The following NXPH1 variants were observed in gnomAD, a reference collection of about 807,000 sequenced individuals.
NXPH1 encodes the protein neurexophilin 1.
In NXPH1, 5 loss-of-function variants were observed where a neutral mutation model predicts 23.7. The ratio of observed to expected loss-of-function variants is 0.21; its 90% CI spans 0.11 to 0.44. The LOEUF is 0.44. Among genes scored for constraint, NXPH1 ranks in the 20% least tolerant of loss-of-function variants. The pLI, the probability that NXPH1 is intolerant of heterozygous loss-of-function variation, is 0.99. For missense variants in NXPH1, 324 were observed against 321.6 expected, an observed-to-expected ratio of 1.01 and a Z score of -0.06; for synonymous variants, 144 against 122.2, an observed-to-expected ratio of 1.18 and a Z score of -1.18.
At chr7:8,655,400 T>TTCTCTCTCTC (rs869162322) in intron 2 of NXPH1, among the ~76,000 whole-genome samples, 48 of 42,826 alleles carry the variant, frequency 1.1e-3, no homozygotes, top group Admixed American at 2.2e-3. Context: ...GTCTTTGTCT[T>TTCTCTCTCTC]TCTCTCTCTC....
intron 2 of NXPH1, among the ~76,000 whole-genome samples, chr7:8,438,826 G>A (rs891458736): frequency 6.6e-6 from 1 of 152,132 alleles, no homozygotes; most frequent in African/African-American, 2.4e-5. Context: ...TTAGGTTGAG[G>A]ATTTTTGTGT....
At chr7:8,716,626 C>A (rs1305635350) in intron 2 of NXPH1, among the ~76,000 whole-genome samples, 1 of 152,048 alleles carries the variant, frequency 6.6e-6, no homozygotes, top group Non-Finnish European at 1.5e-5. Flanking sequence ...CTTTTCATTG[C>A]CTTTCAACCA....
chr7:8,669,589 G>A (rs1419234900), intron 2 of NXPH1, among the ~76,000 whole-genome samples: 1 of 152,136 alleles, frequency 6.6e-6, no homozygotes, highest in African/African-American at 2.4e-5. Context: ...ACCTGGTGTT[G>A]GAGTACAAGG....
intron 2 of NXPH1, among the ~76,000 whole-genome samples, chr7:8,732,063 G>A (rs1431787517): frequency 1.3e-5 from 2 of 152,342 alleles, no homozygotes; most frequent in South Asian, 2.1e-4. Context: ...TTTTAAGCCC[G>A]TCGGAAAAGC....
At chr7:8,671,410 T>G (rs576292947) in intron 2 of NXPH1, among the ~76,000 whole-genome samples, 4 of 152,318 alleles carry the variant, frequency 2.6e-5, no homozygotes, top group Non-Finnish European at 5.9e-5. Context: ...ACTTTCTGTC[T>G]CATGTATTTG....
intron 2 of NXPH1, among the ~76,000 whole-genome samples, chr7:8,612,229 T>C (rs1050734697): frequency 1.3e-5 from 2 of 151,832 alleles, no homozygotes; most frequent in African/African-American, 4.8e-5. Context: ...TTTCTTTTTT[T>C]TACATTCTCC....
chr7:8,506,452 G>T (rs905978944), intron 2 of NXPH1, among the ~76,000 whole-genome samples: 8 of 152,070 alleles, frequency 5.3e-5, no homozygotes, highest in Non-Finnish European at 7.4e-5. Context: ...TGTTTGGAGT[G>T]CAATTTGTAA....
intron 2 of NXPH1, among the ~76,000 whole-genome samples, chr7:8,639,459 A>C (rs1478090616): frequency 6.6e-6 from 1 of 150,898 alleles, no homozygotes; most frequent in Non-Finnish European, 1.5e-5. Context: ...CCATCGGTGT[A>C]AAAGAAAAAA....
intron 2 of NXPH1, among the ~76,000 whole-genome samples, chr7:8,556,727 T>C (rs1224263845): frequency 1.3e-5 from 2 of 151,766 alleles, no homozygotes; most frequent in African/African-American, 4.8e-5. Context: ...CTATATATTG[T>C]GTTACTGATA....
Position 8,442,815 on chromosome 7 carries a change from A to G in NXPH1, c.54+7048A>G. Among the ~76,000 whole-genome samples the G allele has an allele frequency of 6.6e-6, 1 of 152,210 alleles. No individual in the cohort carries two copies. Among genetic ancestry groups the G allele is most frequent in the East Asian group, 1.9e-4 (1 of 5,202 alleles). ...TCCGGAGCCCAAGTCCCCATGCAAA[A>G]GCGCTGTTTCTGGGTAATTTTCGTC... On this transcript the variant is annotated intron_variant, in intron 2 of 2. Transcript: ENST00000405863. This position sits in a 1 kb window ranked among gnomAD's most constrained non-coding sequence, Gnocchi z 4.6.
intron 2 of NXPH1, among the ~76,000 whole-genome samples, chr7:8,596,007 T>C (rs996015419): frequency 7.2e-5 from 11 of 152,048 alleles, no homozygotes; most frequent in Admixed American, 4.6e-4. Context: ...CTTTAAAAAA[T>C]TTAGCATGCA....
intron 2 of NXPH1, among the ~76,000 whole-genome samples, chr7:8,634,392 A>G (rs1464096395): frequency 6.6e-6 from 1 of 152,082 alleles, no homozygotes; most frequent in Non-Finnish European, 1.5e-5. Flanking sequence ...CTGGGAGTCC[A>G]TTTTTACTTA....
chr7:8,746,908 G>T (rs1233572767), intron 2 of NXPH1, among the ~76,000 whole-genome samples: 1 of 150,902 alleles, frequency 6.6e-6, no homozygotes, highest in Non-Finnish European at 1.5e-5. Flanking sequence ...TTATATTGAA[G>T]GGAGATTTTC....
At chr7:8,531,213 T>C (rs1341358281) in intron 2 of NXPH1, among the ~76,000 whole-genome samples, 2 of 152,134 alleles carry the variant, frequency 1.3e-5, no homozygotes, top group South Asian at 4.1e-4. Flanking sequence ...CCTCCATAAC[T>C]ATGAGCTATT....
At chr7:8,604,960 T>C (rs1819450302) in intron 2 of NXPH1, among the ~76,000 whole-genome samples, 2 of 152,156 alleles carry the variant, frequency 1.3e-5, no homozygotes. Context: ...TGCCATTTTT[T>C]CTCCACCATT....
chr7:8,678,652 C>A (rs1327973220), intron 2 of NXPH1, among the ~76,000 whole-genome samples: 1 of 152,088 alleles, frequency 6.6e-6, no homozygotes, highest in African/African-American at 2.4e-5. Flanking sequence ...TCACAGGCTC[C>A]TACGGGTCCG....
rs538386629 is a variant in NXPH1, at chr7:8,589,230, C to T, written c.54+153463C>T. ...TCTTAAAGTATAAGATGAAAATGGA[C>T]ACCTAAAATAGAATCTGAGAATCAG... On this transcript the variant is annotated intron_variant, in intron 2 of 2. Transcript: ENST00000405863. Among the ~76,000 whole-genome samples the T allele has an allele frequency of 2.0e-5, 3 of 152,160 alleles. No individual in the cohort carries two copies. The South Asian group carries it at 6.2e-4, about 32-fold the overall frequency.
chr7:8,736,821 G>A (rs1291669360), intron 2 of NXPH1, among the ~76,000 whole-genome samples: 1 of 152,152 alleles, frequency 6.6e-6, no homozygotes, highest in Non-Finnish European at 1.5e-5. Flanking sequence ...TATATTGGGT[G>A]CATATATATT....
rs138102032 is a variant in NXPH1, at chr7:8,561,554, C to A, written c.54+125787C>A. 7.0e-3 allele frequency among the ~76,000 whole-genome samples: 1,065 copies of A among 151,594 alleles called. 11 individuals are homozygous for A. Among genetic ancestry groups the A allele is most frequent in the African/African-American group, 0.023 (941 of 41,394 alleles). On this transcript the variant is annotated intron_variant, in intron 2 of 2. Transcript: ENST00000405863. Reference sequence around the variant, plus strand: ...AGCCCAAGGGTGAAAACAAATGAGCCAAGATTATAAAATGGGTCGAGTCAC... The same window carrying A: ...AGCCCAAGGGTGAAAACAAATGAGCAAAGATTATAAAATGGGTCGAGTCAC...
Sources: allele counts gnomAD v4.1 joint callset (sites outside exome capture counted in the v4.1 genomes callset), GRCh38; gene constraint gnomAD v4.1.1; non-coding constraint Gnocchi (gnomAD v3.1); transcripts MANE v1.5; gene names NCBI Gene and HGNC (gene_info 2026-07-23, HGNC 2026-07-21).